INPP5A: variants seen among roughly 807,000 people sequenced by gnomAD.
INPP5A encodes the protein inositol polyphosphate-5-phosphatase A.
In INPP5A, 14 loss-of-function variants were observed where a neutral mutation model predicts 65.2. That is an observed-to-expected ratio of 0.21 (90% confidence interval 0.14 to 0.34). The LOEUF is 0.34. INPP5A is among the 10% of genes least tolerant of loss of function. The pLI is 1.00. For synonymous variants in INPP5A, 207 were observed against 208.3 expected (o/e 0.99, Z 0.05); for missense variants, 431 against 545.6 (o/e 0.79, Z 2.09).
At chr10:132,776,855 G>C (rs879686954) in intron 12 of INPP5A, among the ~76,000 whole-genome samples, 3 of 152,186 alleles carry the variant, frequency 2.0e-5, no homozygotes, top group Non-Finnish European at 2.9e-5. Context: ...CTCCAGGCTG[G>C]TGGGGGAGTG....
intron 11 of INPP5A, among the ~76,000 whole-genome samples, chr10:132,752,183 C>T (rs1267180342): frequency 6.6e-6 from 1 of 150,802 alleles, no homozygotes; most frequent in Non-Finnish European, 1.5e-5. Context: ...GGAGGAGGTG[C>T]TTTCAGGGTC....
chr10:132,640,392 C>T (rs575160323), intron 2 of INPP5A, among the ~76,000 whole-genome samples: 1 of 152,362 alleles, frequency 6.6e-6, no homozygotes, highest in Admixed American at 6.5e-5. Flanking sequence ...CCAGGGTTGC[C>T]CCACACCGTC....
chr10:132,755,401 AGT>A (rs1324728129), intron 11 of INPP5A, among the ~76,000 whole-genome samples: 47 of 143,884 alleles, frequency 3.3e-4, no homozygotes, highest in East Asian at 1.3e-3. Flanking sequence ...GGTGTGAGCG[AGT>A]GTGTGTGAGC....
intron 1 of INPP5A, among the ~76,000 whole-genome samples, chr10:132,581,112 A>G (rs2071478159): frequency 1.3e-5 from 2 of 152,074 alleles, no homozygotes; most frequent in African/African-American, 2.4e-5. Flanking sequence ...CGCCACATTC[A>G]CAGATGCCCT....
chr10:132,718,869 A>C (rs1227511114), intron 8 of INPP5A, among the ~76,000 whole-genome samples: 8 of 126,190 alleles, frequency 6.3e-5, no homozygotes, highest in Admixed American at 1.6e-4. Context: ...GGCTGTCTTC[A>C]GGGTTCTGTG....
Position 132,627,582 on chromosome 10 carries a change from G to A in INPP5A, c.118-18286G>A, listed in dbSNP as rs894669301. ...TCCCCAGCTGCCAGCAACGTGCAGC[G>A]GATGACAAGTGAAATGAACGAGGGA... On this transcript the variant is annotated intron_variant, in intron 2 of 15. Coordinates refer to ENST00000368594, the MANE Select transcript of INPP5A (RefSeq NM_005539.5). The surrounding 1 kb of genome is among the most constrained non-coding windows in gnomAD (Gnocchi z 6.6). Among the ~76,000 whole-genome samples, 1 of 152,316 alleles carries A rather than the reference G, an allele frequency of 6.6e-6. No individual in the cohort carries two copies. The highest frequency in any genetic ancestry group is 1.5e-5 in the Non-Finnish European group (1 of 68,038).
rs935361636 is a variant in INPP5A, at chr10:132,628,472, G to GC, written c.118-17396_118-17395insC. Among the ~76,000 whole-genome samples the GC allele has an allele frequency of 1.3e-5, 2 of 150,340 alleles. 1 individual carries two copies. Among genetic ancestry groups the GC allele is most frequent in the Non-Finnish European group, 3.0e-5 (2 of 67,448 alleles). On this transcript the variant is annotated intron_variant, in intron 2 of 15. Transcript: ENST00000368594. ...AGATGTGCTCTGGTGGCGGGGGGGG[G>GC]GGGGGGCGTGGCGTGGGGGACACGT...
At position 132,587,438 on chromosome 10, in the gene INPP5A, G is replaced by C. The variant is rs1222921789; in HGVS notation, c.76-20477G>C. ...TGGCAGGGATCCTGGCATGGCCTGT[G>C]TGATTCGAGGTCAGAAATCATGACG... is the stretch of plus-strand genomic sequence containing the variant. On this transcript the variant is annotated intron_variant, in intron 1 of 15. Coordinates refer to ENST00000368594, the MANE Select transcript of INPP5A (RefSeq NM_005539.5). This position sits in a 1 kb window ranked among gnomAD's most constrained non-coding sequence, Gnocchi z 4.3. Among the ~76,000 whole-genome samples the C allele has an allele frequency of 6.6e-6, 1 of 152,204 alleles. No homozygotes were observed. The highest frequency in any genetic ancestry group is 1.5e-5 in the Non-Finnish European group (1 of 68,040).
intron 2 of INPP5A, among the ~76,000 whole-genome samples, chr10:132,635,616 C>T (rs1320847967): frequency 1.3e-5 from 2 of 151,468 alleles, no homozygotes; most frequent in African/African-American, 2.4e-5. Flanking sequence ...AGGATGGTCT[C>T]GATCTCCTGA....
intron 2 of INPP5A, among the ~76,000 whole-genome samples, chr10:132,615,396 G>A (rs1183606500): frequency 6.6e-6 from 1 of 152,244 alleles, no homozygotes; most frequent in Non-Finnish European, 1.5e-5. Context: ...ACTTCTGTGT[G>A]GCTTTCACAC....
intron 1 of INPP5A, among the ~76,000 whole-genome samples, chr10:132,592,816 C>T (rs753885428): frequency 1.3e-5 from 2 of 152,340 alleles, no homozygotes; most frequent in East Asian, 3.9e-4. Context: ...CCACGGATGT[C>T]GTGGCTTAAA....
Position 132,645,981 on chromosome 10 carries a change from G to A in INPP5A, c.218+13G>A, listed in dbSNP as rs2072488531. The A allele has an allele frequency of 3.8e-6, 6 of 1,585,572 alleles. No individual in the cohort carries two copies. The highest frequency in any genetic ancestry group is 4.3e-6 in the Non-Finnish European group (5 of 1,155,014). On this transcript the variant is annotated intron_variant, in intron 3 of 15. Coordinates refer to ENST00000368594, the MANE Select transcript of INPP5A (RefSeq NM_005539.5). The stretch of plus-strand genomic sequence containing the variant: ...ACAAGTTCGTCAAGTAAGTCTAGGG[G>A]CAGGTGCTGGTGCATGTCCACTTCC...
In INPP5A at chr10:132,627,601, C is replaced by T. The variant is rs572881810; in HGVS notation, c.118-18267C>T. On this transcript the variant is annotated intron_variant, in intron 2 of 15. Transcript: ENST00000368594. This position sits in a 1 kb window ranked among gnomAD's most constrained non-coding sequence, Gnocchi z 6.6. The stretch of plus-strand genomic sequence containing the variant: ...TGCAGCGGATGACAAGTGAAATGAA[C>T]GAGGGAGTGAGAGCCGAAAAAGACA... Among the ~76,000 whole-genome samples, 11 of 152,244 alleles carry T rather than the reference C, an allele frequency of 7.2e-5. No homozygotes were observed. In the East Asian group the frequency reaches 1.2e-3, roughly 16 times the overall value.
chr10:132,783,170 TAG>T lies in INPP5A; in HGVS notation c.*1146_*1147del, dbSNP rs561334136. 2.0e-5 allele frequency: 3 copies of T among 152,450 alleles called. No individual in the cohort carries two copies. Among genetic ancestry groups the T allele is most frequent in the Non-Finnish European group, 4.4e-5 (3 of 68,046 alleles). The allele number at this position is 152,450 out of a possible 1,614,324, so 9.4% of individuals were successfully genotyped here. ...AGTAAGTACAGCATTAGAAGGTGAT[TAG>T]AGAGTCTGTTGATGAAACACAAATG... On this transcript the variant is annotated 3_prime_UTR_variant, in exon 16 of 16. Coordinates refer to ENST00000368594, the MANE Select transcript of INPP5A (RefSeq NM_005539.5).
intron 2 of INPP5A, among the ~76,000 whole-genome samples, chr10:132,633,945 C>A (rs1180939794): frequency 6.6e-6 from 1 of 152,220 alleles, no homozygotes. Flanking sequence ...TCAGACCCCT[C>A]CACCTGCTCT....
rs1292710337 is a variant in INPP5A at position 132,550,989 on chromosome 10, A to G, written c.75+12818A>G. Among the ~76,000 whole-genome samples the G allele has an allele frequency of 2.0e-5, 3 of 152,150 alleles. No individual in the cohort carries two copies. ...GTGGGGACTCTGCAGGCCACCTGGAAAGGGGTCCACCTGAAAGGGGCTGCA... is the reference window on the plus strand; with the variant it reads ...GTGGGGACTCTGCAGGCCACCTGGAGAGGGGTCCACCTGAAAGGGGCTGCA... On this transcript the variant is annotated intron_variant, in intron 1 of 15. Coordinates refer to ENST00000368594, the MANE Select transcript of INPP5A (RefSeq NM_005539.5). This position sits in a 1 kb window ranked among gnomAD's most constrained non-coding sequence, Gnocchi z 4.2.
chr10:132,693,027 G>A (rs914465806), intron 5 of INPP5A, among the ~76,000 whole-genome samples: 2 of 152,240 alleles, frequency 1.3e-5, no homozygotes, highest in African/African-American at 4.8e-5. Context: ...GGACAGGAGG[G>A]AGGAATTTGG....
At chr10:132,635,963 G>A (rs1432668170) in intron 2 of INPP5A, among the ~76,000 whole-genome samples, 1 of 142,998 alleles carries the variant, frequency 7.0e-6, no homozygotes, top group Non-Finnish European at 1.5e-5. Flanking sequence ...GGGTGACAGA[G>A]CGAAATCCTA....
intron 11 of INPP5A, among the ~76,000 whole-genome samples, chr10:132,752,659 G>A (rs1846515481): frequency 7.6e-6 from 1 of 130,740 alleles, no homozygotes; most frequent in Non-Finnish European, 1.7e-5. Context: ...CACGGGGCGT[G>A]GAGGGGCACG....
Sources: gnomAD v4.1 joint callset for allele counts (sites outside exome capture counted in the v4.1 genomes callset) on GRCh38, gnomAD v4.1.1 for gene constraint, Gnocchi (gnomAD v3.1) non-coding constraint, MANE v1.5 for transcripts, NCBI Gene and HGNC (gene_info 2026-07-23, HGNC 2026-07-21) for gene names.